The following ITPR2 variants were observed in gnomAD, a reference collection of about 807,000 sequenced individuals.
ITPR2 encodes the protein inositol 1,4,5-trisphosphate receptor type 2.
ITPR2 carries 207 observed loss-of-function variants against 317.1 expected under a neutral mutation model. The observed-to-expected ratio is 0.65, with a 90% confidence interval of 0.58 to 0.73. The LOEUF is 0.73. Ranked by LOEUF, ITPR2 falls within the 30% of genes least tolerant of loss-of-function variation. The pLI is 0.00. For missense variants in ITPR2, 2,613 were observed against 3,284.0 expected (o/e 0.80, Z 4.99); for synonymous variants, 1,156 against 1,149.1 (o/e 1.01, Z -0.12).
chr12:26,419,146 C>T lies in ITPR2; in HGVS notation c.7013G>A (p.Arg2338Gln), dbSNP rs761715910. The T allele has an allele frequency of 8.1e-5, 130 of 1,613,574 alleles. 1 individual carries two copies. Among genetic ancestry groups the T allele is most frequent in the Non-Finnish European group, 1.1e-4 (124 of 1,179,788 alleles). ...AAAGGCCATATCCAGGATGACTGCT[C>T]GGTACCCACGGGTGAACGTGCCACG... ...GNRGTFTRGY[R>Q]AVILDMAFLY... is the part of the protein sequence containing the mutation. Residue 2338 changes from arginine (R) to glutamine (Q), a missense_variant, in exon 50 of 57, where the codon CGA becomes CAA. By Grantham distance (43) the Arg-to-Gln change is conservative. This residue lies in a region of ITPR2 where 78 missense variants were observed against 110.3 expected (regional missense o/e 0.71). Transcript: ENST00000381340.
At position 26,830,448 on chromosome 12, in the gene ITPR2, T is replaced by G. The variant is rs1221718389; in HGVS notation, c.92+2242A>C. On this transcript the variant is annotated intron_variant, in intron 1 of 56. Transcript: ENST00000381340. ...CTTATTTTTCTCAAGGTTTAAAGAT[T>G]ATTATGTATAACCAAAGAAAAGCAC... 2.6e-5 allele frequency among the ~76,000 whole-genome samples: 4 copies of G among 152,268 alleles called. No homozygotes were observed. The East Asian group carries it at 7.7e-4, about 29-fold the overall frequency.
intron 21 of ITPR2, among the ~76,000 whole-genome samples, chr12:26,636,091 A>G (rs1946857886): frequency 6.6e-6 from 1 of 152,192 alleles, no homozygotes; most frequent in Non-Finnish European, 1.5e-5. Context: ...ACATACATGC[A>G]TGGTTTTTAT....
intron 39 of ITPR2, among the ~76,000 whole-genome samples, chr12:26,487,642 T>A (rs1302600020): frequency 6.6e-6 from 1 of 152,164 alleles, no homozygotes; most frequent in Non-Finnish European, 1.5e-5. Flanking sequence ...CCTCTGTTAA[T>A]AGGGATAGAA....
At chr12:26,595,958 A>G (rs2137114071) in intron 31 of ITPR2, among the ~76,000 whole-genome samples, 1 of 152,286 alleles carries the variant, frequency 6.6e-6, no homozygotes, top group Admixed American at 6.5e-5. Flanking sequence ...ACAGTAGAAA[A>G]GAAAGACATT....
intron 10 of ITPR2, among the ~76,000 whole-genome samples, chr12:26,692,404 G>T (rs1001103954): frequency 6.6e-6 from 1 of 152,096 alleles, no homozygotes; most frequent in Non-Finnish European, 1.5e-5. Context: ...GCCCAATATG[G>T]CCAGAAATTC....
chr12:26,597,402 T>C (rs1478833875), intron 30 of ITPR2, among the ~76,000 whole-genome samples: 1 of 152,182 alleles, frequency 6.6e-6, no homozygotes, highest in Non-Finnish European at 1.5e-5. Context: ...AGTAAATTGT[T>C]CATCACACTG....
intron 36 of ITPR2, among the ~76,000 whole-genome samples, chr12:26,552,853 C>A (rs1282035602): frequency 6.6e-6 from 1 of 152,238 alleles, no homozygotes; most frequent in Non-Finnish European, 1.5e-5. Flanking sequence ...TTTCCATTTT[C>A]TTTAACTCTT....
chr12:26,482,787 T>C (rs142021842), intron 42 of ITPR2, among the ~76,000 whole-genome samples: 2 of 152,362 alleles, frequency 1.3e-5, no homozygotes, highest in Admixed American at 6.5e-5. Context: ...TGTGTGTGCA[T>C]AGACACCGTG....
intron 37 of ITPR2, among the ~76,000 whole-genome samples, chr12:26,497,492 T>G (rs1472665043): frequency 6.6e-6 from 1 of 150,604 alleles, no homozygotes; most frequent in East Asian, 2.0e-4. Flanking sequence ...TGATATTCAA[T>G]TGTTTTAGGC....
At chr12:26,475,210 C>A in intron 45 of ITPR2, 86 bp downstream of exon 45, 3 of 1,478,092 alleles carry the variant, frequency 2.0e-6, no homozygotes, top group Non-Finnish European at 2.8e-6. Context: ...AATGAAGGGA[C>A]CAGAACTTGA....
chr12:26,504,716 G>C (rs1943146473), intron 37 of ITPR2, among the ~76,000 whole-genome samples: 1 of 152,146 alleles, frequency 6.6e-6, no homozygotes, highest in African/African-American at 2.4e-5. Flanking sequence ...GGGGAAACAT[G>C]CTCAAGGAAA....
rs369640264 is a variant in ITPR2 at position 26,607,870 on chromosome 12, GGA to G, written c.3463-5166_3463-5165del. Among the ~76,000 whole-genome samples the G allele has an allele frequency of 2.3e-3, 344 of 152,276 alleles. 2 individuals carry two copies. Among genetic ancestry groups the G allele is most frequent in the African/African-American group, 7.6e-3 (316 of 41,554 alleles). ...CCGAGGCAGGCGGATCACAAGGTCA[GGA>G]GATCGAGACCATCCTGGCTAACACA... is the stretch of plus-strand genomic sequence containing the variant. On this transcript the variant is annotated intron_variant, in intron 26 of 56. Coordinates refer to ENST00000381340, the MANE Select transcript of ITPR2 (RefSeq NM_002223.4).
chr12:26,794,625 A>G (rs913823428), intron 1 of ITPR2, among the ~76,000 whole-genome samples: 1 of 152,272 alleles, frequency 6.6e-6, no homozygotes, highest in Non-Finnish European at 1.5e-5. Context: ...TTTACAAGAT[A>G]TAAGTATGAC....
intron 39 of ITPR2, among the ~76,000 whole-genome samples, chr12:26,492,919 GTA>G (rs150335068): frequency 0.083 from 11,988 of 144,270 alleles, 649 homozygotes; most frequent in East Asian, 0.26. Flanking sequence ...GTGTGTGTGT[GTA>G]TATATATATA....
intron 32 of ITPR2, among the ~76,000 whole-genome samples, chr12:26,591,491 T>C (rs1439062723): frequency 1.3e-5 from 2 of 152,132 alleles, no homozygotes; most frequent in Non-Finnish European, 2.9e-5. Context: ...AGTGGGAATG[T>C]AAATTTGGAC....
chr12:26,708,300 T>C (rs965543818), intron 9 of ITPR2, among the ~76,000 whole-genome samples: 1 of 152,184 alleles, frequency 6.6e-6, no homozygotes, highest in African/African-American at 2.4e-5. Context: ...TGCATTCCCA[T>C]GTTTATTACA....
chr12:26,501,593 C>T (rs1943074239), intron 37 of ITPR2, among the ~76,000 whole-genome samples: 1 of 152,162 alleles, frequency 6.6e-6, no homozygotes, highest in African/African-American at 2.4e-5. Context: ...CTCATCAACA[C>T]AATGACATAC....
chr12:26,356,255 T>C (rs1384641255), intron 55 of ITPR2, among the ~76,000 whole-genome samples: 1 of 152,184 alleles, frequency 6.6e-6, no homozygotes, highest in Non-Finnish European at 1.5e-5. Flanking sequence ...CCAGACCACG[T>C]GGTCCTGCAC....
At chr12:26,399,997 G>T in intron 53 of ITPR2, 131 bp downstream of exon 53, 1 of 878,540 alleles carries the variant, frequency 1.1e-6, no homozygotes, top group Non-Finnish European at 1.6e-6. Context: ...GGCTTTAACA[G>T]CCATGGTTAT....
Sources: allele counts gnomAD v4.1 joint callset (sites outside exome capture counted in the v4.1 genomes callset), GRCh38; gene constraint gnomAD v4.1.1; regional missense constraint gnomAD v4.1.1; transcripts MANE v1.5; gene names NCBI Gene and HGNC (gene_info 2026-07-23, HGNC 2026-07-21).